NELL1: variants seen among roughly 807,000 people sequenced by gnomAD.
NELL1 encodes the protein protein kinase C-binding protein NELL1.
A neutral mutation model predicts 107.4 loss-of-function variants in NELL1; 76 were observed. The observed-to-expected ratio is 0.71, with a 90% CI of 0.59 to 0.86. NELL1 has a LOEUF of 0.86. Ranked by LOEUF, NELL1 falls within the 40% of genes least tolerant of loss-of-function variation. The pLI is 0.00. For missense variants in NELL1, 1,024 were observed against 1,005.5 expected, an observed-to-expected ratio of 1.02 and a Z score of -0.25; for synonymous variants, 353 against 341.2, an observed-to-expected ratio of 1.03 and a Z score of -0.38.
chr11:20,869,811 C>T (rs1438076938), intron 4 of NELL1, among the ~76,000 whole-genome samples: 1 of 152,150 alleles, frequency 6.6e-6, no homozygotes, highest in Non-Finnish European at 1.5e-5. Flanking sequence ...TATCATAGTG[C>T]TTCATCTGAG....
chr11:21,406,511 A>C lies in NELL1; in HGVS notation c.1645+35563A>C, dbSNP rs141863327. On this transcript the variant is annotated intron_variant, in intron 15 of 19. Transcript: ENST00000357134. Reference sequence around the variant, plus strand: ...CAATCTCAAAACATAAAATGAAATAAGGATTATATTCTTTGTACAGGTGAT... The same window carrying C: ...CAATCTCAAAACATAAAATGAAATACGGATTATATTCTTTGTACAGGTGAT... Among the ~76,000 whole-genome samples, 234 of 152,138 alleles carry C rather than the reference A, an allele frequency of 1.5e-3. 1 individual carries two copies. Among genetic ancestry groups the C allele is most frequent in the African/African-American group, 5.3e-3 (220 of 41,568 alleles).
At chr11:21,080,200 G>C (rs1854233075) in intron 12 of NELL1, among the ~76,000 whole-genome samples, 1 of 151,446 alleles carries the variant, frequency 6.6e-6, no homozygotes, top group South Asian at 2.1e-4. Context: ...AAATATAATG[G>C]CTTTATTTTT....
intron 12 of NELL1, among the ~76,000 whole-genome samples, chr11:21,101,881 G>A (rs1854825753): frequency 6.6e-6 from 1 of 151,946 alleles, no homozygotes; most frequent in Admixed American, 6.6e-5. Context: ...CTTTCTTTTT[G>A]AGATGGAGTT....
intron 14 of NELL1, among the ~76,000 whole-genome samples, chr11:21,291,140 G>T (rs1167433650): frequency 6.6e-6 from 1 of 152,164 alleles, no homozygotes; most frequent in Non-Finnish European, 1.5e-5. Context: ...GTTCAGAGAA[G>T]AACATAAATG....
At chr11:20,987,201 T>C (rs933654819) in intron 12 of NELL1, among the ~76,000 whole-genome samples, 2 of 152,200 alleles carry the variant, frequency 1.3e-5, no homozygotes, top group African/African-American at 4.8e-5. Flanking sequence ...TCCTATTTTA[T>C]TTCTTATTCC....
chr11:21,329,701 G>C (rs896123357), intron 14 of NELL1, among the ~76,000 whole-genome samples: 2 of 151,882 alleles, frequency 1.3e-5, no homozygotes, highest in African/African-American at 4.8e-5. Flanking sequence ...TTTGTGTAAT[G>C]TTTTAATTAC....
intron 14 of NELL1, among the ~76,000 whole-genome samples, chr11:21,300,527 T>A (rs557813753): frequency 6.6e-6 from 1 of 151,906 alleles, no homozygotes; most frequent in Non-Finnish European, 1.5e-5. Context: ...GGGACCATCA[T>A]TGGAAAATGA....
intron 14 of NELL1, among the ~76,000 whole-genome samples, chr11:21,293,261 A>G (rs1849309697): frequency 6.6e-6 from 1 of 152,222 alleles, no homozygotes; most frequent in South Asian, 2.1e-4. Context: ...AAACCCCATC[A>G]AAAAGTGGGT....
intron 12 of NELL1, among the ~76,000 whole-genome samples, chr11:20,983,292 G>A (rs1470863996): frequency 6.6e-6 from 1 of 152,056 alleles, no homozygotes; most frequent in East Asian, 1.9e-4. Flanking sequence ...ACAGATGATG[G>A]AGTGCCTTAA....
intron 2 of NELL1, among the ~76,000 whole-genome samples, chr11:20,719,706 G>T (rs1174541228): frequency 1.3e-5 from 2 of 152,120 alleles, no homozygotes; most frequent in African/African-American, 4.8e-5. Flanking sequence ...GAAGCATGAG[G>T]ATTATTTTAT....
At chr11:21,123,014 T>C (rs938003117) in intron 13 of NELL1, among the ~76,000 whole-genome samples, 1 of 152,118 alleles carries the variant, frequency 6.6e-6, no homozygotes, top group Non-Finnish European at 1.5e-5. Flanking sequence ...CCTCAAGATC[T>C]CAAAATGGTG....
chr11:21,375,991 G>C (rs150883820), intron 15 of NELL1, among the ~76,000 whole-genome samples: 1 of 152,022 alleles, frequency 6.6e-6, no homozygotes, highest in South Asian at 2.1e-4. Context: ...CTCCCATTCT[G>C]TAGGTTGTCT....
intron 12 of NELL1, among the ~76,000 whole-genome samples, chr11:21,070,887 A>G (rs1853996233): frequency 1.3e-5 from 2 of 152,198 alleles, no homozygotes; most frequent in Admixed American, 1.3e-4. Flanking sequence ...CGAAAATATC[A>G]GAAAAATACT....
rs148443278 is a variant in NELL1 at position 21,138,148 on chromosome 11, G to A, written c.1426+24434G>A. Among the ~76,000 whole-genome samples, 351 of 152,056 alleles carry A rather than the reference G, an allele frequency of 2.3e-3. 1 individual carries two copies. The highest frequency in any genetic ancestry group is 8.0e-3 in the African/African-American group (330 of 41,468). ...AATGGCATTTAATTCTTATTCCCTCGGTGCTCTTGGGGAAATCTCATAATT... is the reference window on the plus strand; with the variant it reads ...AATGGCATTTAATTCTTATTCCCTCAGTGCTCTTGGGGAAATCTCATAATT... On this transcript the variant is annotated intron_variant, in intron 13 of 19. Transcript: ENST00000357134.
At chr11:21,461,602 T>C (rs950953307) in intron 15 of NELL1, among the ~76,000 whole-genome samples, 2 of 152,234 alleles carry the variant, frequency 1.3e-5, no homozygotes, top group South Asian at 2.1e-4. Flanking sequence ...TTCTGTACTA[T>C]AGACTTTAAC....
intron 15 of NELL1, among the ~76,000 whole-genome samples, chr11:21,501,748 A>G (rs886560483): frequency 6.6e-6 from 1 of 152,216 alleles, no homozygotes; most frequent in African/African-American, 2.4e-5. Context: ...TTCATTCACT[A>G]TTCACAGGAG....
chr11:21,332,732 T>G (rs1268188398), intron 14 of NELL1, among the ~76,000 whole-genome samples: 1 of 152,026 alleles, frequency 6.6e-6, no homozygotes, highest in African/African-American at 2.4e-5. Context: ...CTTTGTGTCA[T>G]TCACTTTTAA....
intron 13 of NELL1, among the ~76,000 whole-genome samples, chr11:21,218,661 C>A (rs1364553304): frequency 6.6e-6 from 1 of 152,026 alleles, no homozygotes; most frequent in Non-Finnish European, 1.5e-5. Context: ...TCTTTTCCAG[C>A]TTCTCATAAC....
intron 15 of NELL1, among the ~76,000 whole-genome samples, chr11:21,392,451 A>T (rs1411188197): frequency 6.6e-6 from 1 of 151,762 alleles, no homozygotes; most frequent in Non-Finnish European, 1.5e-5. Context: ...AGATTCCAAA[A>T]TTATGTTACT....
Sources: gnomAD v4.1 joint callset for allele counts (sites outside exome capture counted in the v4.1 genomes callset) on GRCh38, gnomAD v4.1.1 for gene constraint, MANE v1.5 for transcripts, NCBI Gene and HGNC (gene_info 2026-07-23, HGNC 2026-07-21) for gene names.